The following KCNQ1 variants were observed in gnomAD, a reference collection of about 807,000 sequenced individuals.
KCNQ1 encodes the protein potassium voltage-gated channel subfamily KQT member 1.
In KCNQ1, 49 loss-of-function variants were observed where a neutral mutation model predicts 72.4. The observed-to-expected ratio is 0.68, with a 90% CI of 0.54 to 0.86. The LOEUF is 0.86. Ranked by LOEUF, KCNQ1 falls within the 40% of genes least tolerant of loss-of-function variation. KCNQ1 has a pLI of 0.00. For synonymous variants in KCNQ1, 450 were observed against 412.6 expected, an observed-to-expected ratio of 1.09 and a Z score of -1.10; for missense variants, 790 against 945.1, an observed-to-expected ratio of 0.84 and a Z score of 2.15.
chr11:2,553,218 G>A (rs1848013595), intron 2 of KCNQ1, among the ~76,000 whole-genome samples: 1 of 136,350 alleles, frequency 7.3e-6, no homozygotes, highest in Non-Finnish European at 1.6e-5. Flanking sequence ...GGAGATGATT[G>A]TGTTGTCCAC....
At chr11:2,590,599 A>G (rs951309720) in intron 10 of KCNQ1, among the ~76,000 whole-genome samples, 1 of 152,260 alleles carries the variant, frequency 6.6e-6, no homozygotes, top group African/African-American at 2.4e-5. Flanking sequence ...GCTGTTGTCC[A>G]GACAGACATC....
At position 2,493,419 on chromosome 11, in the gene KCNQ1, C is replaced by T. The variant is rs894431551; in HGVS notation, c.387-34509C>T. On this transcript the variant is annotated intron_variant, in intron 1 of 15. Coordinates refer to ENST00000155840, the MANE Select transcript of KCNQ1 (RefSeq NM_000218.3). The surrounding 1 kb of genome is among the most constrained non-coding windows in gnomAD (Gnocchi z 5.3). ...CTCTTGGTGTTTTAGTCATGAAGTC[C>T]TTGCCCATGCCTATGTCCTGAATGG... Among the ~76,000 whole-genome samples, 9 of 152,214 alleles carry T rather than the reference C, an allele frequency of 5.9e-5. No individual in the cohort carries two copies. Among genetic ancestry groups the T allele is most frequent in the East Asian group, 3.9e-4 (2 of 5,180 alleles).
At chr11:2,518,873 C>T (rs530373633) in intron 1 of KCNQ1, among the ~76,000 whole-genome samples, 86 of 152,308 alleles carry the variant, frequency 5.6e-4, no homozygotes, top group Middle Eastern at 3.4e-3. Context: ...CCACGGGAGC[C>T]CTGGGCCAAG....
rs1335406951 is a variant in KCNQ1, at chr11:2,769,398, G to T, written c.1590+479G>T. Reference sequence around the variant, plus strand: ...TCCTCCACCCTCTGTGAGTTGGGAGGATGGAGGGAGGCTGGGCCCTGCTCT... The same window carrying T: ...TCCTCCACCCTCTGTGAGTTGGGAGTATGGAGGGAGGCTGGGCCCTGCTCT... On this transcript the variant is annotated intron_variant, in intron 12 of 15. Coordinates refer to ENST00000155840, the MANE Select transcript of KCNQ1 (RefSeq NM_000218.3). This position sits in a 1 kb window ranked among gnomAD's most constrained non-coding sequence, Gnocchi z 4.6. 6.6e-6 allele frequency among the ~76,000 whole-genome samples: 1 copy of T among 152,208 alleles called. No individual in the cohort carries two copies. The highest frequency in any genetic ancestry group is 1.5e-5 in the Non-Finnish European group (1 of 68,032).
rs150387902 is a variant in KCNQ1 at position 2,768,118 on chromosome 11, G to A, written c.1515-726G>A. Among the ~76,000 whole-genome samples the A allele has an allele frequency of 1.6e-3, 247 of 152,350 alleles. 1 individual carries two copies. The highest frequency in any genetic ancestry group is 5.7e-3 in the African/African-American group (236 of 41,578). On this transcript the variant is annotated intron_variant, in intron 11 of 15. Transcript: ENST00000155840. The surrounding 1 kb of genome is among the most constrained non-coding windows in gnomAD (Gnocchi z 6.7). ...GCTGTTGGCATCACTTAGTCTCGCA[G>A]TCCCTGGTGTTTCCATCAGGAAAGT...
chr11:2,750,058 G>A lies in KCNQ1; in HGVS notation c.1515-18786G>A, dbSNP rs1184853408. Reference sequence around the variant, plus strand: ...GGGTGAGAGGGAGGGAGTGGGAACAGCCAAGAGGCCAGGAAGCGGAGCCTG... The same window carrying A: ...GGGTGAGAGGGAGGGAGTGGGAACAACCAAGAGGCCAGGAAGCGGAGCCTG... On this transcript the variant is annotated intron_variant, in intron 11 of 15. Coordinates refer to ENST00000155840, the MANE Select transcript of KCNQ1 (RefSeq NM_000218.3). The surrounding 1 kb of genome is among the most constrained non-coding windows in gnomAD (Gnocchi z 6.3). Among the ~76,000 whole-genome samples, 1 of 152,164 alleles carries A rather than the reference G, an allele frequency of 6.6e-6. No individual in the cohort carries two copies. The highest frequency in any genetic ancestry group is 2.4e-5 in the African/African-American group (1 of 41,426).
rs1038041723 is a variant in KCNQ1, at chr11:2,626,317, T to A, written c.1394-35644T>A. ...ATTCTCTTGAGTTAATTTTTGTGTATGGTATTAGGTAAGGGTCTCAACTTC... is the reference window on the plus strand; with the variant it reads ...ATTCTCTTGAGTTAATTTTTGTGTAAGGTATTAGGTAAGGGTCTCAACTTC... On this transcript the variant is annotated intron_variant, in intron 10 of 15. Transcript: ENST00000155840. This position sits in a 1 kb window ranked among gnomAD's most constrained non-coding sequence, Gnocchi z 4.0. 2 of 398,490 alleles carry A rather than the reference T, an allele frequency of 5.0e-6. No individual in the cohort carries two copies. The highest frequency in any genetic ancestry group is 4.4e-5 in the Admixed American group (1 of 22,726). 24.7% of individuals were successfully genotyped at this position (398,490 alleles called of 1,614,324 possible).
In KCNQ1 at chr11:2,567,245, A is replaced by T. The variant is rs540197457; in HGVS notation, c.478-3383A>T. On this transcript the variant is annotated intron_variant, in intron 2 of 15. Transcript: ENST00000155840. This position sits in a 1 kb window ranked among gnomAD's most constrained non-coding sequence, Gnocchi z 6.6. ...GAGGAGCTTGAGGCCCCTTTAGTTC[A>T]CCTTTGGAACTTAGGACCAAGTCTG... Among the ~76,000 whole-genome samples, 3 of 152,098 alleles carry T rather than the reference A, an allele frequency of 2.0e-5. No individual in the cohort carries two copies. The highest frequency in any genetic ancestry group is 6.5e-5 in the Admixed American group (1 of 15,288).
intron 15 of KCNQ1, among the ~76,000 whole-genome samples, chr11:2,805,234 C>T (rs1010666653): frequency 5.9e-5 from 9 of 152,196 alleles, no homozygotes; most frequent in African/African-American, 2.2e-4. Flanking sequence ...GTCACAGAGC[C>T]TTTCCCCCAG....
At chr11:2,705,214 C>T (rs568488113) in intron 11 of KCNQ1, among the ~76,000 whole-genome samples, 5 of 152,326 alleles carry the variant, frequency 3.3e-5, no homozygotes, top group African/African-American at 1.2e-4. Context: ...GGCAGATTTG[C>T]GTTCCTGCAT....
chr11:2,596,206 G>C (rs1848731297), intron 10 of KCNQ1, among the ~76,000 whole-genome samples: 2 of 152,210 alleles, frequency 1.3e-5, no homozygotes, highest in South Asian at 4.1e-4. Context: ...TGTGTCGGAG[G>C]TGGAACTCTC....
rs978790955 is a variant in KCNQ1, at chr11:2,673,125, AG to A, written c.1514+11047del. The A allele has an allele frequency of 7.5e-6, 3 of 398,708 alleles. No homozygotes were observed. The highest frequency in any genetic ancestry group is 6.2e-5 in the African/African-American group (3 of 48,642). 24.7% of individuals were successfully genotyped at this position (398,708 alleles called of 1,614,324 possible). On this transcript the variant is annotated intron_variant, in intron 11 of 15. Coordinates refer to ENST00000155840, the MANE Select transcript of KCNQ1 (RefSeq NM_000218.3). The surrounding 1 kb of genome is among the most constrained non-coding windows in gnomAD (Gnocchi z 4.5). ...GCAGGAGACCCCAGCAGGCAGCATCAGGGCAGGGGTGCTGACCATCCCTGAC... is the reference window on the plus strand; with the variant it reads ...GCAGGAGACCCCAGCAGGCAGCATCAGGCAGGGGTGCTGACCATCCCTGAC...
chr11:2,573,434 CT>C (rs1848371888), intron 6 of KCNQ1, among the ~76,000 whole-genome samples: 1 of 152,208 alleles, frequency 6.6e-6, no homozygotes, highest in Admixed American at 6.5e-5. Flanking sequence ...GTAAGTGCCC[CT>C]GTCCCCAAGG....
At chr11:2,512,161 A>G (rs1208260188) in intron 1 of KCNQ1, among the ~76,000 whole-genome samples, 1 of 152,110 alleles carries the variant, frequency 6.6e-6, no homozygotes, top group Non-Finnish European at 1.5e-5. Context: ...TTTGCACAAA[A>G]CCTGGGCCAT....
Position 2,670,949 on chromosome 11 carries a change from C to T in KCNQ1, c.1514+8868C>T, listed in dbSNP as rs568958123. On this transcript the variant is annotated intron_variant, in intron 11 of 15. Transcript: ENST00000155840. This position sits in a 1 kb window ranked among gnomAD's most constrained non-coding sequence, Gnocchi z 4.9. The stretch of plus-strand genomic sequence containing the variant: ...CAAATTGGCAGGCCCAGCTTCATGC[C>T]TTCTTATGGTGCCCCAGAGCCCCTG... 4 of 398,640 alleles carry T rather than the reference C, an allele frequency of 1.0e-5. No individual in the cohort carries two copies. The highest frequency in any genetic ancestry group is 6.2e-5 in the African/African-American group (3 of 48,748). 24.7% of individuals were successfully genotyped at this position (398,640 alleles called of 1,614,324 possible). A position where few individuals can be genotyped will look rare whatever the true frequency, so the allele number is the denominator to read the frequency against.
Position 2,620,768 on chromosome 11 carries a change from T to G in KCNQ1, c.1393+31914T>G, listed in dbSNP as rs566613213. ...TCAGTTATTTGAGAAAACTCCAAAC[T>G]GCTTAGCACAGTGGCTGAACTAATT... On this transcript the variant is annotated intron_variant, in intron 10 of 15. Transcript: ENST00000155840. This position sits in a 1 kb window ranked among gnomAD's most constrained non-coding sequence, Gnocchi z 4.5. The G allele has an allele frequency of 4.7e-4, 186 of 398,644 alleles. No individual in the cohort carries two copies. The highest frequency in any genetic ancestry group is 3.4e-3 in the African/African-American group (166 of 48,756). The allele number at this position is 398,644 out of a possible 1,614,324, so 24.7% of individuals were successfully genotyped here.
chr11:2,529,149 T>A (rs1014917949), intron 2 of KCNQ1, among the ~76,000 whole-genome samples: 1 of 152,186 alleles, frequency 6.6e-6, no homozygotes, highest in African/African-American at 2.4e-5. Context: ...GGAGGGGCCG[T>A]CTTCTCTGTA....
At chr11:2,805,315 C>T (rs1847349990) in intron 15 of KCNQ1, among the ~76,000 whole-genome samples, 1 of 152,214 alleles carries the variant, frequency 6.6e-6, no homozygotes, top group Non-Finnish European at 1.5e-5. Flanking sequence ...AAAGCTGCTA[C>T]CAGACAGCAA....
Position 2,827,356 on chromosome 11 carries a change from C to T in KCNQ1, c.1795-20411C>T, listed in dbSNP as rs1590114621. Among the ~76,000 whole-genome samples, 5 of 152,272 alleles carry T rather than the reference C, an allele frequency of 3.3e-5. No homozygotes were observed. The highest frequency in any genetic ancestry group is 3.3e-4 in the Admixed American group (5 of 15,300). ...TCCTCTCTCTGCTTGCTTTCCTGTC[C>T]ACAATCCAGTGCTTCTGTCCTATGG... is the stretch of plus-strand genomic sequence containing the variant. On this transcript the variant is annotated intron_variant, in intron 15 of 15. Coordinates refer to ENST00000155840, the MANE Select transcript of KCNQ1 (RefSeq NM_000218.3). The surrounding 1 kb of genome is among the most constrained non-coding windows in gnomAD (Gnocchi z 6.7).
Sources: gnomAD v4.1 joint callset for allele counts (sites outside exome capture counted in the v4.1 genomes callset) on GRCh38, gnomAD v4.1.1 for gene constraint, Gnocchi (gnomAD v3.1) non-coding constraint, MANE v1.5 for transcripts, NCBI Gene and HGNC (gene_info 2026-07-23, HGNC 2026-07-21) for gene names.